RHBDL2: variants seen among roughly 807,000 people sequenced by gnomAD.
The protein encoded by RHBDL2 is rhomboid like 2.
In RHBDL2, 26 loss-of-function variants were observed where a neutral mutation model predicts 31.7. The observed-to-expected ratio is 0.82, with a 90% confidence interval of 0.60 to 1.14. RHBDL2 has a LOEUF of 1.14. RHBDL2 is among the 50% of genes most tolerant of loss of function. The pLI is 0.00. For synonymous variants in RHBDL2, 123 were observed against 127.2 expected (o/e 0.97, Z 0.22); for missense variants, 336 against 364.4 (o/e 0.92, Z 0.63).
chr1:38,893,055 T>TAA (rs1642874028), intron 6 of RHBDL2, 109 bp downstream of exon 6: 1 of 636,492 alleles, frequency 1.6e-6, no homozygotes, highest in Admixed American at 2.3e-5. Flanking sequence ...CAGGTCTGTG[T>TAA]GTATGCCCCA....
chr1:38,914,126 A>G (rs1643196340), intron 3 of RHBDL2, among the ~76,000 whole-genome samples: 1 of 152,026 alleles, frequency 6.6e-6, no homozygotes, highest in Non-Finnish European at 1.5e-5. Context: ...AAAAAAAAAA[A>G]AGAAAGAAAG....
At chr1:38,917,500 G>A (rs1643255026) in intron 2 of RHBDL2, among the ~76,000 whole-genome samples, 1 of 152,152 alleles carries the variant, frequency 6.6e-6, no homozygotes, top group Non-Finnish European at 1.5e-5. Flanking sequence ...ATTGAGGTTT[G>A]TACCACGATA....
chr1:38,917,507 G>A (rs917345881), intron 2 of RHBDL2, among the ~76,000 whole-genome samples: 3 of 152,184 alleles, frequency 2.0e-5, no homozygotes, highest in South Asian at 2.1e-4. Flanking sequence ...TTTGTACCAC[G>A]ATACCTTATC....
chr1:38,893,621 G>A (rs1056449587), intron 5 of RHBDL2, among the ~76,000 whole-genome samples: 1 of 151,676 alleles, frequency 6.6e-6, no homozygotes, highest in Non-Finnish European at 1.5e-5. Flanking sequence ...GTAGTATTTA[G>A]CAAAGACTTA....
intron 1 of RHBDL2, among the ~76,000 whole-genome samples, chr1:38,940,593 T>C (rs1643550255): frequency 6.6e-6 from 1 of 152,106 alleles, no homozygotes; most frequent in African/African-American, 2.4e-5. Flanking sequence ...AGCATATCTT[T>C]ACAAGCCTAA....
intron 1 of RHBDL2, among the ~76,000 whole-genome samples, chr1:38,937,882 A>G (rs1336544831): frequency 6.6e-6 from 1 of 152,188 alleles, no homozygotes; most frequent in Non-Finnish European, 1.5e-5. Context: ...ACCATGCTGA[A>G]GTCTTAAAAA....
At chr1:38,934,957 C>CAAAA (rs34194396) in intron 1 of RHBDL2, among the ~76,000 whole-genome samples, 3 of 148,506 alleles carry the variant, frequency 2.0e-5, no homozygotes, top group Non-Finnish European at 4.5e-5. Flanking sequence ...GGCTCAGTCG[C>CAAAA]AAAAAAAAAA....
intron 4 of RHBDL2, among the ~76,000 whole-genome samples, chr1:38,900,536 G>A (rs1286830394): frequency 5.3e-5 from 8 of 152,100 alleles, no homozygotes; most frequent in Non-Finnish European, 7.4e-5. Context: ...CAGGAGAATC[G>A]CTTGAGCCTG....
At chr1:38,913,961 AC>A (rs1643193359) in intron 3 of RHBDL2, among the ~76,000 whole-genome samples, 1 of 152,254 alleles carries the variant, frequency 6.6e-6, no homozygotes, top group East Asian at 1.9e-4. Context: ...TACTAAAAAT[AC>A]AAAAATTAGC....
At chr1:38,913,725 C>T (rs1489540727) in intron 3 of RHBDL2, 1 of 152,288 alleles carries the variant, frequency 6.6e-6, no homozygotes, top group African/African-American at 2.4e-5. Context: ...CACAAGAGTC[C>T]ACCGGATAGG....
At chr1:38,887,226 G>A (rs961595109) in intron 7 of RHBDL2, among the ~76,000 whole-genome samples, 5 of 151,892 alleles carry the variant, frequency 3.3e-5, no homozygotes, top group African/African-American at 1.2e-4. Context: ...GTTTTGTTTT[G>A]TTTTTTGAAA....
chr1:38,907,665 C>T (rs773360153), intron 4 of RHBDL2, among the ~76,000 whole-genome samples: 6 of 152,120 alleles, frequency 3.9e-5, no homozygotes, highest in Non-Finnish European at 5.9e-5. Flanking sequence ...CACAGGAGTT[C>T]GAGGCTGCAG....
In RHBDL2 at chr1:38,919,242, G is replaced by T. The variant is rs754151945; in HGVS notation, c.-30C>A. 1 of 1,613,964 alleles carries T rather than the reference G, an allele frequency of 6.2e-7. No individual in the cohort carries two copies. Among genetic ancestry groups the T allele is most frequent in the East Asian group, 2.2e-5 (1 of 44,878 alleles). ...CTGGGTCCTCCCTCCTCCCCAGAAG[G>T]ACATGAATCCCAGGGAACAGCAGGT... On this transcript the variant is annotated 5_prime_UTR_variant, in exon 2 of 8. Transcript: ENST00000372990.
chr1:38,903,144 A>ATT (rs550835658), intron 4 of RHBDL2, among the ~76,000 whole-genome samples: 1 of 147,394 alleles, frequency 6.8e-6, no homozygotes, highest in Admixed American at 6.8e-5. Context: ...GAGAAATATA[A>ATT]TTTTTTTTTT....
At chr1:38,938,501 G>A (rs894486897) in intron 1 of RHBDL2, among the ~76,000 whole-genome samples, 2 of 152,010 alleles carry the variant, frequency 1.3e-5, no homozygotes, top group African/African-American at 4.8e-5. Flanking sequence ...TCTCCATGAG[G>A]TCTTTTCATG....
At position 38,918,994 on chromosome 1, in the gene RHBDL2, C is replaced by T. The variant is rs1291944767; in HGVS notation, c.219G>A (p.Val73=). ...CGGCCAGGCTGATGGAGATGATGAA[C>T]ACGGGAGGCGGGAAGCAGTTAGCTC... ...LERANCFPPP[V]FIISISLAEL... is the part of the protein sequence containing the mutation. The change falls in exon 2 of 8, where the codon GTG becomes GTA. Residue 73 remains valine (V), a synonymous_variant. Transcript: ENST00000372990. 1.2e-5 allele frequency: 20 copies of T among 1,613,806 alleles called. No individual in the cohort carries two copies. The highest frequency in any genetic ancestry group is 1.7e-5 in the Non-Finnish European group (20 of 1,179,838).
chr1:38,913,207 T>C (rs2124328984), intron 3 of RHBDL2, among the ~76,000 whole-genome samples: 1 of 152,020 alleles, frequency 6.6e-6, no homozygotes, highest in South Asian at 2.1e-4. Flanking sequence ...GGTCTCAAAC[T>C]CCTGACCTCA....
chr1:38,923,693 T>C (rs940200086), intron 1 of RHBDL2, among the ~76,000 whole-genome samples: 2 of 152,210 alleles, frequency 1.3e-5, no homozygotes, highest in African/African-American at 4.8e-5. Context: ...AAAGAAATAT[T>C]CAAGCATCAA....
chr1:38,921,494 G>A (rs1643315170), intron 1 of RHBDL2, among the ~76,000 whole-genome samples: 1 of 152,180 alleles, frequency 6.6e-6, no homozygotes, highest in Admixed American at 6.6e-5. Context: ...TAGATGGAAG[G>A]CATGGAGCTG....
Sources: gnomAD v4.1 joint callset for allele counts (sites outside exome capture counted in the v4.1 genomes callset) on GRCh38, gnomAD v4.1.1 for gene constraint, MANE v1.5 for transcripts, NCBI Gene and HGNC (gene_info 2026-07-23, HGNC 2026-07-21) for gene names.